The following SGK3 variants were observed in gnomAD, a reference collection of about 807,000 sequenced individuals.
SGK3 encodes the protein serum/glucocorticoid regulated kinase family member 3, also known as serine/threonine-protein kinase Sgk3.
A neutral mutation model predicts 68.5 loss-of-function variants in SGK3; 47 were observed. That is an observed-to-expected ratio of 0.69 (90% CI 0.54 to 0.87). SGK3 has a LOEUF of 0.87. Ranked by LOEUF, SGK3 falls within the 40% of genes least tolerant of loss-of-function variation. The pLI, the probability that SGK3 is intolerant of heterozygous loss-of-function variation, is 0.00. For missense variants in SGK3, 479 were observed against 575.5 expected (o/e 0.83, Z 1.72); for synonymous variants, 181 against 189.1 (o/e 0.96, Z 0.35).
chr8:66,787,938 T>G (rs1482796951), intron 1 of SGK3, among the ~76,000 whole-genome samples: 1 of 152,206 alleles, frequency 6.6e-6, no homozygotes, highest in African/African-American at 2.4e-5. Flanking sequence ...AACCACCACG[T>G]GTACTGCTCA....
intron 1 of SGK3, chr8:66,767,681 C>T: frequency 7.1e-7 from 1 of 1,414,450 alleles, no homozygotes; most frequent in Non-Finnish European, 1.0e-6. Flanking sequence ...GGATAGCCAT[C>T]ATCTGAGGCA....
intron 4 of SGK3, among the ~76,000 whole-genome samples, chr8:66,807,836 A>G (rs556160743): frequency 2.6e-5 from 4 of 152,348 alleles, no homozygotes; most frequent in African/African-American, 9.6e-5. Flanking sequence ...AAGACTGTGT[A>G]TTGTGACACA....
intron 1 of SGK3, among the ~76,000 whole-genome samples, chr8:66,734,875 A>G (rs1805272528): frequency 6.7e-6 from 1 of 149,204 alleles, no homozygotes; most frequent in Admixed American, 6.7e-5. Context: ...TGAACCCAGG[A>G]GGTGGAGGTT....
Position 66,828,699 on chromosome 8 carries a change from C to G in SGK3, c.463C>G (p.Pro155Ala). The G allele has an allele frequency of 3.7e-6, 6 of 1,613,904 alleles. No individual in the cohort carries two copies. Among genetic ancestry groups the G allele is most frequent in the Non-Finnish European group, 5.1e-6 (6 of 1,179,982 alleles). ...QNINLGPSGN[P>A]HAKPTDFDFL... is the part of the protein sequence containing the mutation. ...CATCAACCTGGGACCGTCTGGAAATCCTCAGTATGTTTAATTTGCTTCAAA... is the reference window on the plus strand; with the variant it reads ...CATCAACCTGGGACCGTCTGGAAATGCTCAGTATGTTTAATTTGCTTCAAA... The change falls in exon 7 of 17, where the codon CCT becomes GCT. Residue 155 changes from proline (P) to alanine (A), a missense_variant. Physicochemically the swap from Pro to Ala is conservative, Grantham distance 27 (BLOSUM62 -1). This residue lies in a region of SGK3 where 298 missense variants were observed against 329.4 expected (regional missense o/e 0.90). Transcript: ENST00000521198.
At chr8:66,858,341 C>T (rs1173064600) in intron 16 of SGK3, among the ~76,000 whole-genome samples, 4 of 151,930 alleles carry the variant, frequency 2.6e-5, no homozygotes, top group Non-Finnish European at 5.9e-5. Context: ...TGGTGGGCGC[C>T]TGTAGTCCCA....
chr8:66,770,355 T>C (rs1221414629), intron 1 of SGK3, among the ~76,000 whole-genome samples: 1 of 152,230 alleles, frequency 6.6e-6, no homozygotes, highest in Non-Finnish European at 1.5e-5. Context: ...TGTCAGACAT[T>C]GTGATTTTTT....
intron 1 of SGK3, among the ~76,000 whole-genome samples, chr8:66,720,102 C>T (rs1478705199): frequency 6.6e-6 from 1 of 152,198 alleles, no homozygotes; most frequent in Admixed American, 6.5e-5. Context: ...TTTATACTAC[C>T]GCTCATAAAG....
chr8:66,798,348 G>A (rs1038309849), intron 2 of SGK3, among the ~76,000 whole-genome samples, 194 bp from the exon 3 acceptor site: 1 of 151,240 alleles, frequency 6.6e-6, no homozygotes, highest in Non-Finnish European at 1.5e-5. Flanking sequence ...GCTTTAATTG[G>A]TATGTTTATG....
chr8:66,828,359 T>C (rs1460081448), intron 6 of SGK3, among the ~76,000 whole-genome samples: 1 of 152,228 alleles, frequency 6.6e-6, no homozygotes, highest in African/African-American at 2.4e-5. Flanking sequence ...ACCCACCTCC[T>C]CAAAGGAGCT....
intron 16 of SGK3, among the ~76,000 whole-genome samples, chr8:66,854,667 A>G (rs545398819): frequency 6.6e-6 from 1 of 152,318 alleles, no homozygotes; most frequent in African/African-American, 2.4e-5. Flanking sequence ...CTATGAAAAT[A>G]CAGGGGTCCA....
chr8:66,739,252 A>G (rs1022012697), intron 1 of SGK3, among the ~76,000 whole-genome samples: 4 of 152,160 alleles, frequency 2.6e-5, no homozygotes, highest in African/African-American at 9.7e-5. Flanking sequence ...GGGGAAGCAG[A>G]CATGTGAAAA....
Position 66,841,083 on chromosome 8 carries a change from C to A in SGK3, c.951C>A (p.Thr317=). The change falls in exon 13 of 17, where the codon ACC becomes ACA. Residue 317 remains threonine, a synonymous_variant. Transcript: ENST00000521198. ...LCKEGIAISD[T]TTTFCGTPEY... Reference sequence around the variant, plus strand: ...AAGAAGGAATTGCTATTTCTGACACCACTACCACATTTTGTGGGACACCAG... The same window carrying A: ...AAGAAGGAATTGCTATTTCTGACACAACTACCACATTTTGTGGGACACCAG... The A allele has an allele frequency of 6.3e-7, 1 of 1,594,508 alleles. No homozygotes were observed. Among genetic ancestry groups the A allele is most frequent in the Non-Finnish European group, 8.5e-7 (1 of 1,170,754 alleles).
At chr8:66,853,274 TTAAA>T (rs1810366634) in intron 16 of SGK3, among the ~76,000 whole-genome samples, 1 of 152,028 alleles carries the variant, frequency 6.6e-6, no homozygotes, top group African/African-American at 2.4e-5. Context: ...AAGAGAAGAG[TTAAA>T]TAATTCTATG....
At chr8:66,841,399 CTT>C (rs909400771) in intron 13 of SGK3, among the ~76,000 whole-genome samples, 34 of 151,958 alleles carry the variant, frequency 2.2e-4, no homozygotes, top group African/African-American at 8.2e-4. Context: ...AATTATATTT[CTT>C]TTTTTGTTTT....
rs888553522 is a variant in SGK3, at chr8:66,849,595, T to A, written c.1231-1236T>A. 5.1e-5 allele frequency among the ~76,000 whole-genome samples: 7 copies of A among 137,002 alleles called. No individual in the cohort carries two copies. In the South Asian group the frequency reaches 8.8e-4, roughly 17 times the overall value. 89.9% of individuals were successfully genotyped at this position (137,002 alleles called of 152,430 possible). ...CCAGGGTGATGTTTTGGGGGAATAT[T>A]TTTTTTTTTTTTTTTTTTGAGACAG... is the stretch of plus-strand genomic sequence containing the variant. On this transcript the variant is annotated intron_variant, in intron 15 of 16. Coordinates refer to ENST00000521198, the MANE Select transcript of SGK3 (RefSeq NM_001033578.3).
chr8:66,841,704 CTTACTAG>C (rs1244910261), intron 13 of SGK3, among the ~76,000 whole-genome samples: 4 of 152,186 alleles, frequency 2.6e-5, no homozygotes, highest in African/African-American at 9.6e-5. Flanking sequence ...TAAGTGTTTA[CTTACTAG>C]AAGAAAATAA....
At chr8:66,740,486 C>T (rs1805446931) in intron 1 of SGK3, among the ~76,000 whole-genome samples, 1 of 152,136 alleles carries the variant, frequency 6.6e-6, no homozygotes, top group South Asian at 2.1e-4. Flanking sequence ...TAATATAGTG[C>T]AGTTCATGGA....
At chr8:66,773,402 C>T (rs557378801) in intron 1 of SGK3, among the ~76,000 whole-genome samples, 1 of 152,274 alleles carries the variant, frequency 6.6e-6, no homozygotes, top group Admixed American at 6.5e-5. Context: ...TACAGTATTA[C>T]CCCCTTATCC....
rs1563654706 is a variant in SGK3, at chr8:66,839,559, T to TATA, written c.742-444_742-443insATA. ...TATATATATATATATATATATATAT[T>TATA]TTCATATGGGTTATATTTGTTCTGC... On this transcript the variant is annotated intron_variant, in intron 10 of 16. Transcript: ENST00000521198. Among the ~76,000 whole-genome samples the TATA allele has an allele frequency of 3.4e-4, 24 of 70,338 alleles. 2 individuals carry two copies. Among genetic ancestry groups the TATA allele is most frequent in the African/African-American group, 9.3e-4 (13 of 13,952 alleles). 46.1% of individuals were successfully genotyped at this position (70,338 alleles called of 152,430 possible).
Sources: allele counts gnomAD v4.1 joint callset (sites outside exome capture counted in the v4.1 genomes callset), GRCh38; gene constraint gnomAD v4.1.1; regional missense constraint gnomAD v4.1.1; transcripts MANE v1.5; gene names NCBI Gene and HGNC (gene_info 2026-07-23, HGNC 2026-07-21).